Variants in VWA8 observed in about 807,000 individuals in gnomAD.
VWA8 encodes the protein von Willebrand factor A domain containing 8, also known as von Willebrand factor A domain-containing protein 8.
A neutral mutation model predicts 241.5 loss-of-function variants in VWA8; 221 were observed. The ratio of observed to expected loss-of-function variants is 0.91; its 90% confidence interval spans 0.82 to 1.02. The LOEUF (loss-of-function observed/expected upper bound fraction) is 1.02. Among genes scored for constraint, VWA8 ranks in the 50% least tolerant of loss-of-function variants. The probability of loss-of-function intolerance (pLI) is 0.00; values close to 1 mark genes in which losing one functional copy is unlikely to be tolerated. For synonymous variants in VWA8, 852 were observed against 827.1 expected (o/e 1.03, Z -0.52); for missense variants, 2,322 against 2,328.7 (o/e 1.00, Z 0.06).
At chr13:41,955,865 G>GCAC (rs1301405462) in intron 1 of VWA8, 12 of 152,284 alleles carry the variant, frequency 7.9e-5, no homozygotes, top group Admixed American at 3.9e-4. Context: ...GCCAACTGAT[G>GCAC]AGACCGTGTT....
chr13:41,851,253 G>T (rs1872522137), intron 12 of VWA8, among the ~76,000 whole-genome samples: 2 of 151,998 alleles, frequency 1.3e-5, no homozygotes, highest in East Asian at 1.9e-4. Flanking sequence ...AAGGACTCCA[G>T]CAGCAAGCCA....
rs541335195 is a variant in VWA8, at chr13:41,569,014, G to C, written c.5610-709C>G. On this transcript the variant is annotated intron_variant, in intron 44 of 44. Transcript: ENST00000379310. ...ACTAATTTATAATTTGGAACAAAAG[G>C]CCATTTTGAAGGCAACAAAACTGTA... 6.6e-5 allele frequency among the ~76,000 whole-genome samples: 10 copies of C among 152,304 alleles called. No homozygotes were observed. The South Asian group carries it at 1.0e-3, about 16-fold the overall frequency.
At chr13:41,589,694 C>A (rs1384396814) in intron 41 of VWA8, among the ~76,000 whole-genome samples, 1 of 152,196 alleles carries the variant, frequency 6.6e-6, no homozygotes, top group African/African-American at 2.4e-5. Flanking sequence ...CCTGAGTTTT[C>A]ATCAACTGAA....
At chr13:41,639,176 C>G (rs2044778948) in intron 37 of VWA8, among the ~76,000 whole-genome samples, 1 of 149,342 alleles carries the variant, frequency 6.7e-6, no homozygotes, top group African/African-American at 2.5e-5. Flanking sequence ...TTTTTTGGCT[C>G]AGAAGAATTT....
chr13:41,596,261 T>G (rs1312761450), intron 40 of VWA8, among the ~76,000 whole-genome samples: 1 of 152,110 alleles, frequency 6.6e-6, no homozygotes, highest in Non-Finnish European at 1.5e-5. Context: ...GGTAGAAATC[T>G]GATTTTCTAT....
chr13:41,766,897 T>C (rs1047106875), intron 20 of VWA8, among the ~76,000 whole-genome samples: 1 of 152,162 alleles, frequency 6.6e-6, no homozygotes, highest in African/African-American at 2.4e-5. Flanking sequence ...AGTTTAAGGT[T>C]GTAAAATCAC....
At chr13:41,641,838 C>A (rs538695942) in intron 37 of VWA8, among the ~76,000 whole-genome samples, 1 of 151,672 alleles carries the variant, frequency 6.6e-6, no homozygotes, top group Admixed American at 6.6e-5. Flanking sequence ...AGTGGAAAAC[C>A]TTTCCTTGGT....
chr13:41,598,134 G>A (rs551611179), intron 40 of VWA8, among the ~76,000 whole-genome samples: 5 of 152,108 alleles, frequency 3.3e-5, no homozygotes, highest in East Asian at 3.9e-4. Context: ...TAGAAAGAAC[G>A]AGCACGGTTA....
At chr13:41,776,403 A>AT (rs1868596554) in intron 20 of VWA8, among the ~76,000 whole-genome samples, 1 of 152,212 alleles carries the variant, frequency 6.6e-6, no homozygotes, top group Admixed American at 6.5e-5. Context: ...CTGGGTTTCA[A>AT]TATCAAGAGC....
At chr13:41,854,427 C>T (rs539682609) in intron 12 of VWA8, among the ~76,000 whole-genome samples, 1 of 149,576 alleles carries the variant, frequency 6.7e-6, no homozygotes, top group East Asian at 2.0e-4. Context: ...TATGATGGTG[C>T]ATAAGTTTTA....
At chr13:41,858,673 G>C (rs1473346609) in intron 12 of VWA8, among the ~76,000 whole-genome samples, 3 of 152,026 alleles carry the variant, frequency 2.0e-5, no homozygotes, top group Non-Finnish European at 4.4e-5. Flanking sequence ...GTAAGCCTGA[G>C]ATTTGAAAAG....
intron 37 of VWA8, among the ~76,000 whole-genome samples, chr13:41,649,234 T>A (rs192182143): frequency 6.6e-6 from 1 of 152,220 alleles, no homozygotes; most frequent in Admixed American, 6.5e-5. Context: ...TTTAAACAGA[T>A]TTCATTATGA....
At chr13:41,794,538 G>A (rs1869602116) in intron 17 of VWA8, among the ~76,000 whole-genome samples, 1 of 152,196 alleles carries the variant, frequency 6.6e-6, no homozygotes. Context: ...TTTGGGCTGA[G>A]ACAATGGGAT....
chr13:41,664,786 G>A (rs2044976051), intron 37 of VWA8, among the ~76,000 whole-genome samples: 1 of 152,144 alleles, frequency 6.6e-6, no homozygotes, highest in Admixed American at 6.6e-5. Context: ...GAAAAGCTTA[G>A]AAAGACAGGA....
At chr13:41,944,002 G>A (rs1211107092) in intron 2 of VWA8, among the ~76,000 whole-genome samples, 1 of 151,984 alleles carries the variant, frequency 6.6e-6, no homozygotes, top group African/African-American at 2.4e-5. Context: ...CTACTCGGGA[G>A]GCTGAGGTAG....
intron 13 of VWA8, among the ~76,000 whole-genome samples, chr13:41,831,827 C>T (rs569309557): frequency 5.3e-5 from 8 of 151,924 alleles, no homozygotes; most frequent in African/African-American, 1.4e-4. Flanking sequence ...ACCATGTTGA[C>T]GAGGCTGGTC....
intron 37 of VWA8, 46 bp from the exon 38 acceptor site, chr13:41,615,130 C>G (rs768878055): frequency 3.8e-6 from 6 of 1,594,682 alleles, no homozygotes; most frequent in Non-Finnish European, 5.2e-6. Flanking sequence ...GTGACAAACA[C>G]CAGGGACTGC....
chr13:41,689,278 C>G, intron 34 of VWA8, 76 bp downstream of exon 34: 1 of 1,435,472 alleles, frequency 7.0e-7, no homozygotes, highest in Non-Finnish European at 9.2e-7. Flanking sequence ...AATTACCCCT[C>G]AAACAGGCTT....
intron 9 of VWA8, among the ~76,000 whole-genome samples, chr13:41,871,455 C>A (rs1049325636): frequency 1.3e-5 from 2 of 152,160 alleles, no homozygotes; most frequent in African/African-American, 4.8e-5. Flanking sequence ...TCCCTCCCCA[C>A]TCCCTCCACC....
Sources: gnomAD v4.1 joint callset for allele counts (sites outside exome capture counted in the v4.1 genomes callset) on GRCh38, gnomAD v4.1.1 for gene constraint, MANE v1.5 for transcripts, NCBI Gene and HGNC (gene_info 2026-07-23, HGNC 2026-07-21) for gene names.